The following ZDHHC20 variants were observed in gnomAD, a reference collection of about 807,000 sequenced individuals.
ZDHHC20 encodes the protein palmitoyltransferase ZDHHC20.
ZDHHC20 carries 43 observed loss-of-function variants against 57.8 expected under a neutral mutation model. That is an observed-to-expected ratio of 0.74 (90% CI 0.58 to 0.96). ZDHHC20 has a LOEUF of 0.96. Among genes scored for constraint, ZDHHC20 ranks in the 40% least tolerant of loss-of-function variants. The pLI, the probability that ZDHHC20 is intolerant of heterozygous loss-of-function variation, is 0.00. For synonymous variants in ZDHHC20, 157 were observed against 153.0 expected (o/e 1.03, Z -0.19); for missense variants, 391 against 441.1 (o/e 0.89, Z 1.02).
intron 1 of ZDHHC20, among the ~76,000 whole-genome samples, chr13:21,445,488 CTAT>C (rs1883598348): frequency 6.6e-6 from 1 of 152,172 alleles, no homozygotes; most frequent in Non-Finnish European, 1.5e-5. Context: ...ATAACAATAG[CTAT>C]TATAATTAAC....
At chr13:21,393,195 T>TC (rs1243960690) in intron 7 of ZDHHC20, among the ~76,000 whole-genome samples, 8 of 151,800 alleles carry the variant, frequency 5.3e-5, no homozygotes, top group Non-Finnish European at 1.2e-4. Flanking sequence ...TTTTCTTTTT[T>TC]TTTTTTTTTA....
intron 1 of ZDHHC20, among the ~76,000 whole-genome samples, chr13:21,432,875 A>G (rs934683216): frequency 2.6e-5 from 4 of 152,240 alleles, no homozygotes; most frequent in Non-Finnish European, 5.9e-5. Flanking sequence ...GTTAGTTGAA[A>G]TAACTATTTG....
chr13:21,414,892 AAAAAC>A (rs1377662690), intron 3 of ZDHHC20, among the ~76,000 whole-genome samples: 4 of 152,148 alleles, frequency 2.6e-5, no homozygotes, highest in South Asian at 4.1e-4. Flanking sequence ...AGATTAAAAA[AAAAAC>A]AAAACTAAGA....
At chr13:21,420,326 C>T (rs1185483687) in intron 3 of ZDHHC20, among the ~76,000 whole-genome samples, 1 of 152,094 alleles carries the variant, frequency 6.6e-6, no homozygotes, top group African/African-American at 2.4e-5. Context: ...CATGTTTTAA[C>T]TGAATAAACC....
At chr13:21,448,123 C>T (rs1357069289) in intron 1 of ZDHHC20, among the ~76,000 whole-genome samples, 5 of 142,826 alleles carry the variant, frequency 3.5e-5, no homozygotes, top group South Asian at 2.2e-4. Context: ...CCTCTCCGCC[C>T]GGCAGCCACC....
chr13:21,456,223 A>G (rs1201355288), intron 1 of ZDHHC20, among the ~76,000 whole-genome samples: 1 of 152,006 alleles, frequency 6.6e-6, no homozygotes, highest in Non-Finnish European at 1.5e-5. Flanking sequence ...CTGACCAACA[A>G]GGTGAAACCC....
chr13:21,413,152 G>A (rs1209655758), intron 4 of ZDHHC20, among the ~76,000 whole-genome samples: 1 of 152,040 alleles, frequency 6.6e-6, no homozygotes, highest in Non-Finnish European at 1.5e-5. Context: ...GGAAGCATTA[G>A]TACAGAGGAA....
intron 9 of ZDHHC20, among the ~76,000 whole-genome samples, chr13:21,383,257 A>T (rs1873762685): frequency 6.6e-6 from 1 of 152,172 alleles, no homozygotes; most frequent in African/African-American, 2.4e-5. Flanking sequence ...TGGGAGGTAA[A>T]TGAATCATGA....
At position 21,376,038 on chromosome 13, in the gene ZDHHC20, A is replaced by G. The variant is rs1446876687; in HGVS notation, c.*658T>C. 2.6e-5 allele frequency: 4 copies of G among 152,222 alleles called. No individual in the cohort carries two copies. The highest frequency in any genetic ancestry group is 4.4e-5 in the Non-Finnish European group (3 of 68,040). The allele number at this position is 152,222 out of a possible 1,614,324, so 9.4% of individuals were successfully genotyped here. A position where few individuals can be genotyped will look rare whatever the true frequency, so the allele number is the denominator to read the frequency against. The stretch of plus-strand genomic sequence containing the variant: ...CTACTACATGGTTGTATTAATGCTC[A>G]TAACTAAGCTTTCGATGAATTAGAC... On this transcript the variant is annotated 3_prime_UTR_variant, in exon 13 of 13. Coordinates refer to ENST00000400590, the MANE Select transcript of ZDHHC20 (RefSeq NM_001330059.2).
chr13:21,418,598 C>T (rs1039429369), intron 3 of ZDHHC20, among the ~76,000 whole-genome samples: 1 of 152,096 alleles, frequency 6.6e-6, no homozygotes, highest in Non-Finnish European at 1.5e-5. Context: ...CAAAGTCACA[C>T]AGCTAACATG....
Position 21,374,209 on chromosome 13 carries a change from T to C in ZDHHC20, c.*2487A>G, listed in dbSNP as rs1169435892. ...TGCAAACTGCCAAACTGGAGTTATGTTTTTAGTTGGTAATTGATATATATA... is the reference window on the plus strand; with the variant it reads ...TGCAAACTGCCAAACTGGAGTTATGCTTTTAGTTGGTAATTGATATATATA... On this transcript the variant is annotated 3_prime_UTR_variant, in exon 13 of 13. Coordinates refer to ENST00000400590, the MANE Select transcript of ZDHHC20 (RefSeq NM_001330059.2). 1 of 188,422 alleles carries C rather than the reference T, an allele frequency of 5.3e-6. No homozygotes were observed. Among genetic ancestry groups the C allele is most frequent in the Admixed American group, 5.3e-5 (1 of 18,750 alleles). 11.7% of individuals were successfully genotyped at this position (188,422 alleles called of 1,614,324 possible).
intron 1 of ZDHHC20, among the ~76,000 whole-genome samples, chr13:21,443,995 A>C (rs1030839976): frequency 6.6e-6 from 1 of 152,110 alleles, no homozygotes; most frequent in African/African-American, 2.4e-5. Context: ...ATCTCTACTA[A>C]AAATACAAAA....
At chr13:21,424,859 A>T (rs1025897808) in intron 2 of ZDHHC20, among the ~76,000 whole-genome samples, 1 of 152,206 alleles carries the variant, frequency 6.6e-6, no homozygotes, top group Non-Finnish European at 1.5e-5. Context: ...TGATTTAAAG[A>T]AAGAAAATAA....
At chr13:21,387,706 T>C in intron 8 of ZDHHC20, 72 bp from the exon 9 acceptor site, 1 of 962,462 alleles carries the variant, frequency 1.0e-6, no homozygotes, top group Non-Finnish European at 1.4e-6. Flanking sequence ...AAATTACCAA[T>C]TTTCTTGCTT....
intron 1 of ZDHHC20, among the ~76,000 whole-genome samples, chr13:21,457,497 A>G (rs777357238): frequency 1.3e-5 from 2 of 152,210 alleles, no homozygotes; most frequent in Non-Finnish European, 2.9e-5. Flanking sequence ...TGACTCAAAC[A>G]TCATTTTTAG....
rs1566052782 is a variant in ZDHHC20, at chr13:21,374,379, C to A, written c.*2317G>T. The A allele has an allele frequency of 2.2e-6, 1 of 455,506 alleles. No homozygotes were observed. The highest frequency in any genetic ancestry group is 2.3e-5 in the Admixed American group (1 of 42,574). 28.2% of individuals were successfully genotyped at this position (455,506 alleles called of 1,614,324 possible). A position where few individuals can be genotyped will look rare whatever the true frequency, so the allele number is the denominator to read the frequency against. On this transcript the variant is annotated 3_prime_UTR_variant, in exon 13 of 13. Transcript: ENST00000400590. ...AGTTGGGACTACAGGCGTGTGCCAC[C>A]ATGCCTGGACAGTTTTGGGGTTTTT...
intron 7 of ZDHHC20, among the ~76,000 whole-genome samples, chr13:21,394,826 C>G (rs1379048083): frequency 6.6e-6 from 1 of 152,172 alleles, no homozygotes; most frequent in African/African-American, 2.4e-5. Context: ...GAGGCTGACA[C>G]CACACAGGTA....
intron 3 of ZDHHC20, among the ~76,000 whole-genome samples, chr13:21,418,817 G>A (rs577174071): frequency 6.6e-6 from 1 of 152,216 alleles, no homozygotes; most frequent in Admixed American, 6.5e-5. Context: ...GGGACTACAG[G>A]TGCATGCCAC....
intron 12 of ZDHHC20, 26 bp downstream of exon 12, chr13:21,378,635 C>G (rs1872669599): frequency 8.1e-7 from 1 of 1,240,636 alleles, no homozygotes; most frequent in African/African-American, 1.5e-5. Flanking sequence ...TGCATTTATT[C>G]AAGGATTACC....
Sources: allele counts gnomAD v4.1 joint callset (sites outside exome capture counted in the v4.1 genomes callset), GRCh38; gene constraint gnomAD v4.1.1; transcripts MANE v1.5; gene names NCBI Gene and HGNC (gene_info 2026-07-23, HGNC 2026-07-21).